Variants in TANC1 observed in about 807,000 individuals in gnomAD.
The protein encoded by TANC1 is protein TANC1.
A neutral mutation model predicts 149.7 loss-of-function variants in TANC1; 77 were observed. The ratio of observed to expected loss-of-function variants is 0.51; its 90% CI spans 0.43 to 0.62. TANC1 has a LOEUF of 0.62. Ranked by LOEUF, TANC1 falls within the 20% of genes least tolerant of loss-of-function variation. The probability of loss-of-function intolerance (pLI) is 0.00; values close to 1 mark genes in which losing one functional copy is unlikely to be tolerated. For missense variants in TANC1, 1,985 were observed against 2,321.8 expected (o/e 0.85, Z 2.98); for synonymous variants, 854 against 925.0 (o/e 0.92, Z 1.39).
At chr2:159,140,686 A>ATTAT (rs1553571712) in intron 5 of TANC1, among the ~76,000 whole-genome samples, 1 of 109,802 alleles carries the variant, frequency 9.1e-6, no homozygotes, top group Non-Finnish European at 1.8e-5. Flanking sequence ...GAGATTCTCT[A>ATTAT]TTTTTTTTTT....
Position 159,182,246 on chromosome 2 carries a change from T to G in TANC1, c.2510+3083T>G, listed in dbSNP as rs181140020. ...GAGTTTTCATTCATATCACCTAGAC[T>G]TAAACATATTTACATTTTGCAATAT... is the stretch of plus-strand genomic sequence containing the variant. On this transcript the variant is annotated intron_variant, in intron 14 of 26. Coordinates refer to ENST00000263635, the MANE Select transcript of TANC1 (RefSeq NM_033394.3). Among the ~76,000 whole-genome samples the G allele has an allele frequency of 3.2e-3, 493 of 152,176 alleles. 3 individuals carry two copies. The highest frequency in any genetic ancestry group is 0.011 in the African/African-American group (464 of 41,540).
chr2:159,033,577 A>G (rs1559153224), intron 2 of TANC1, among the ~76,000 whole-genome samples: 1 of 152,186 alleles, frequency 6.6e-6, no homozygotes, highest in African/African-American at 2.4e-5. Context: ...TTTCCTTCCC[A>G]TGAGAGACAG....
intron 3 of TANC1, among the ~76,000 whole-genome samples, chr2:159,082,181 C>G (rs2044340280): frequency 6.6e-6 from 1 of 152,090 alleles, no homozygotes; most frequent in Non-Finnish European, 1.5e-5. Context: ...TCGTGTGATC[C>G]CAGGGGTGCA....
chr2:159,035,116 C>T (rs1208038856), intron 2 of TANC1, among the ~76,000 whole-genome samples: 27 of 152,186 alleles, frequency 1.8e-4, no homozygotes, highest in Admixed American at 1.8e-3. Flanking sequence ...TTGATGAATA[C>T]TTCTATTGGA....
chr2:158,973,097 T>C (rs1019869019), intron 1 of TANC1, among the ~76,000 whole-genome samples: 1 of 152,056 alleles, frequency 6.6e-6, no homozygotes. Flanking sequence ...AAAGAAGAGT[T>C]CCATAGACAG....
At chr2:159,049,033 C>A (rs188643775) in intron 2 of TANC1, among the ~76,000 whole-genome samples, 1 of 152,322 alleles carries the variant, frequency 6.6e-6, no homozygotes, top group Admixed American at 6.5e-5. Context: ...TTTGTTTCCT[C>A]ATAGGTCCCT....
chr2:159,008,888 G>C (rs1438244327), intron 2 of TANC1, among the ~76,000 whole-genome samples: 1 of 151,962 alleles, frequency 6.6e-6, no homozygotes, highest in African/African-American at 2.4e-5. Context: ...GAATTCATTG[G>C]CCTTGCAACA....
At chr2:158,995,059 T>G (rs1251758629) in intron 1 of TANC1, among the ~76,000 whole-genome samples, 4 of 152,222 alleles carry the variant, frequency 2.6e-5, no homozygotes, top group Non-Finnish European at 5.9e-5. Flanking sequence ...GCCTTGTTTG[T>G]TTTGAGGGTT....
At chr2:159,074,707 C>T (rs925694743) in intron 3 of TANC1, among the ~76,000 whole-genome samples, 6 of 152,034 alleles carry the variant, frequency 3.9e-5, no homozygotes, top group East Asian at 1.9e-4. Context: ...AGTACATCTT[C>T]GTGTTGTCTT....
intron 2 of TANC1, among the ~76,000 whole-genome samples, chr2:159,017,486 G>A (rs565343731): frequency 6.6e-6 from 1 of 152,124 alleles, no homozygotes; most frequent in African/African-American, 2.4e-5. Context: ...ACTCACAGGG[G>A]ATGGCCCTGT....
chr2:159,228,469 G>A (rs1425004679), intron 25 of TANC1: 4 of 320,034 alleles, frequency 1.2e-5, no homozygotes, highest in Non-Finnish European at 2.3e-5. Context: ...CTGTTGAGCT[G>A]CTTGCTTCTG....
At chr2:159,188,024 G>A (rs756735780) in intron 16 of TANC1, among the ~76,000 whole-genome samples, 10 of 150,094 alleles carry the variant, frequency 6.7e-5, no homozygotes, top group Non-Finnish European at 1.0e-4. Context: ...GCTCTTTAAC[G>A]TATGTGCGAT....
At chr2:159,166,849 G>A (rs989858872) in intron 8 of TANC1, among the ~76,000 whole-genome samples, 14 of 152,214 alleles carry the variant, frequency 9.2e-5, no homozygotes, top group South Asian at 4.1e-4. Context: ...TTATGGCCCT[G>A]CTGCAGCTTT....
At chr2:159,203,868 C>T (rs1200517646) in intron 19 of TANC1, among the ~76,000 whole-genome samples, 5 of 152,354 alleles carry the variant, frequency 3.3e-5, no homozygotes, top group Middle Eastern at 3.4e-3. Context: ...TGAGCCACCA[C>T]ACCCAGCCAG....
At chr2:159,141,128 A>G (rs979284489) in intron 5 of TANC1, among the ~76,000 whole-genome samples, 4 of 152,186 alleles carry the variant, frequency 2.6e-5, no homozygotes, top group Admixed American at 1.3e-4. Flanking sequence ...TATTTCTTAG[A>G]TTTGTGCAGG....
At chr2:159,064,464 T>A (rs1332532786) in intron 2 of TANC1, among the ~76,000 whole-genome samples, 1 of 152,210 alleles carries the variant, frequency 6.6e-6, no homozygotes, top group Non-Finnish European at 1.5e-5. Flanking sequence ...TTTTGTTTGA[T>A]TGTTGTTGCC....
chr2:159,177,817 G>A (rs2056039630), intron 13 of TANC1, among the ~76,000 whole-genome samples: 1 of 152,202 alleles, frequency 6.6e-6, no homozygotes, highest in Admixed American at 6.5e-5. Flanking sequence ...GAATGGGGAA[G>A]AGATGGGAAG....
Position 159,185,890 on chromosome 2 carries a change from C to T in TANC1, c.2610C>T (p.His870=), listed in dbSNP as rs1445614312. The T allele has an allele frequency of 1.2e-6, 2 of 1,612,704 alleles. No individual in the cohort carries two copies. Among genetic ancestry groups the T allele is most frequent in the Non-Finnish European group, 1.7e-6 (2 of 1,178,690 alleles). Residue 870 remains histidine, a synonymous_variant, in exon 15 of 27, where the codon CAC becomes CAT. Transcript: ENST00000263635. ...MELGHHILKA[H]IFKGLSKKTG... is the part of the protein sequence containing the mutation. ...TTGGCCACCACATCCTGAAGGCGCACATTTTCAAGGTGAGATGCACACCAA... is the reference window on the plus strand; with the variant it reads ...TTGGCCACCACATCCTGAAGGCGCATATTTTCAAGGTGAGATGCACACCAA...
intron 14 of TANC1, among the ~76,000 whole-genome samples, chr2:159,181,473 A>G (rs920703385): frequency 6.6e-6 from 1 of 151,934 alleles, no homozygotes; most frequent in South Asian, 2.1e-4. Context: ...AACTTTTTGT[A>G]TTTTTAGTAG....
Sources: allele counts gnomAD v4.1 joint callset (sites outside exome capture counted in the v4.1 genomes callset), GRCh38; gene constraint gnomAD v4.1.1; transcripts MANE v1.5; gene names NCBI Gene and HGNC (gene_info 2026-07-23, HGNC 2026-07-21).